The following FAM167A variants were observed in gnomAD, a reference collection of about 807,000 sequenced individuals.
The protein encoded by FAM167A is protein FAM167A.
Under a neutral mutation model 14.9 loss-of-function variants are expected in FAM167A, and 23 were observed. The ratio of observed to expected loss-of-function variants is 1.55; its 90% confidence interval spans 1.11 to 2.19. The LOEUF (loss-of-function observed/expected upper bound fraction) is 2.19, where lower values mean the gene tolerates loss of function less well. Among genes scored for constraint, FAM167A ranks in the 30% most tolerant of loss-of-function variants. FAM167A has a pLI of 0.00. For synonymous variants in FAM167A, 174 were observed against 117.7 expected (o/e 1.48, Z -3.10); for missense variants, 401 against 281.5 (o/e 1.42, Z -3.04).
intron 1 of FAM167A, among the ~76,000 whole-genome samples, chr8:11,461,138 C>T (rs1807521784): frequency 2.0e-5 from 3 of 152,178 alleles, no homozygotes; most frequent in South Asian, 4.1e-4. Flanking sequence ...CCCTGCAAGG[C>T]GGGGAGAAAG....
chr8:11,426,627 AG>A (rs1471288316), intron 2 of FAM167A, among the ~76,000 whole-genome samples: 6 of 152,156 alleles, frequency 3.9e-5, no homozygotes, highest in African/African-American at 1.2e-4. Flanking sequence ...GATGATTTTG[AG>A]GGCCTTAATA....
chr8:11,449,269 C>A (rs1044141590), intron 1 of FAM167A, among the ~76,000 whole-genome samples: 2 of 152,248 alleles, frequency 1.3e-5, no homozygotes, highest in Non-Finnish European at 2.9e-5. Flanking sequence ...TGGAATGTCA[C>A]CCACACAGGC....
chr8:11,452,479 G>C (rs1807065559), intron 1 of FAM167A, among the ~76,000 whole-genome samples: 1 of 152,174 alleles, frequency 6.6e-6, no homozygotes, highest in Non-Finnish European at 1.5e-5. Context: ...GTCCCCAGAG[G>C]GAGAGGGGGT....
rs78982517 is a variant in FAM167A at position 11,454,741 on chromosome 8, G to T, written c.-397-9933C>A. 9.0e-3 allele frequency among the ~76,000 whole-genome samples: 1,367 copies of T among 152,302 alleles called. 16 individuals are homozygous for T. The highest frequency in any genetic ancestry group is 0.03 in the African/African-American group (1,238 of 41,552). On this transcript the variant is annotated intron_variant, in intron 1 of 2. Transcript: ENST00000284486. ...GTCGGCCTAGGGAGGCGAGCCTGGGGTGTGCAGGCTTTTCTGCCCGGGTTT... is the reference window on the plus strand; with the variant it reads ...GTCGGCCTAGGGAGGCGAGCCTGGGTTGTGCAGGCTTTTCTGCCCGGGTTT...
chr8:11,454,769 T>G (rs1807162442), intron 1 of FAM167A, among the ~76,000 whole-genome samples: 1 of 152,162 alleles, frequency 6.6e-6, no homozygotes, highest in African/African-American at 2.4e-5. Flanking sequence ...CCGGGTTTAA[T>G]CAGAAACCCA....
At chr8:11,462,038 C>T (rs1318799703) in intron 1 of FAM167A, among the ~76,000 whole-genome samples, 1 of 152,216 alleles carries the variant, frequency 6.6e-6, no homozygotes, top group Non-Finnish European at 1.5e-5. Context: ...GCTGCAGGTG[C>T]AGCGCTGTGC....
chr8:11,473,772 A>G (rs1269484373), intron 1 of FAM167A, among the ~76,000 whole-genome samples: 1 of 152,194 alleles, frequency 6.6e-6, no homozygotes, highest in East Asian at 1.9e-4. Flanking sequence ...CACTGTGAGG[A>G]TTAGAATTAA....
upstream of FAM167A, among the ~76,000 whole-genome samples, chr8:11,468,495 C>A (rs1807856352): frequency 6.6e-6 from 1 of 152,248 alleles, no homozygotes; most frequent in Non-Finnish European, 1.5e-5. Context: ...TATGTGTCTC[C>A]CTCTGAGGCA....
chr8:11,448,525 G>T (rs553035536), intron 1 of FAM167A, among the ~76,000 whole-genome samples: 1 of 152,280 alleles, frequency 6.6e-6, no homozygotes, highest in South Asian at 2.1e-4. Context: ...ACACTCTGTT[G>T]GTCTCTGACC....
In FAM167A at chr8:11,424,609, G is replaced by A. The variant is rs765541335; in HGVS notation, c.409C>T (p.Leu137=). The A allele has an allele frequency of 6.2e-7, 1 of 1,614,012 alleles. No individual in the cohort carries two copies. The highest frequency in any genetic ancestry group is 8.5e-7 in the Non-Finnish European group (1 of 1,179,974). The change falls in exon 3 of 3, where the codon CTG becomes TTG. Residue 137 remains leucine, a synonymous_variant. Transcript: ENST00000284486. ...CGCAGGCGCATGAGCTGTCTGGCCA[G>A]TTGCTGGTCCTGCAGCCGCATCTCC... ...LTEMRLQDQQ[L]ARQLMRLRGD...
At chr8:11,441,674 A>G (rs77878414) in intron 2 of FAM167A, among the ~76,000 whole-genome samples, 2,747 of 152,206 alleles carry the variant, frequency 0.018, 73 homozygotes, top group African/African-American at 0.063. Context: ...CTCACTCATC[A>G]TGTCATCCTA....
Position 11,444,205 on chromosome 8 carries a change from C to A in FAM167A, c.207G>T (p.Ala69=). 6.2e-7 allele frequency: 1 copy of A among 1,612,956 alleles called. No homozygotes were observed. The highest frequency in any genetic ancestry group is 8.5e-7 in the Non-Finnish European group (1 of 1,179,878). The change falls in exon 2 of 3, where the codon GCG becomes GCT. Residue 69 remains alanine (A), a synonymous_variant. Coordinates refer to ENST00000284486, the MANE Select transcript of FAM167A (RefSeq NM_053279.3). The part of the protein sequence containing the change: ...PFPRPAAEPQ[A]SLEEGERGGQ... ...CCCCACGCTCCCCCTCCTCCAAGCT[C>A]GCCTGTGGCTCCGCAGCCGGCCTCG... is the stretch of plus-strand genomic sequence containing the variant.
intron 1 of FAM167A, among the ~76,000 whole-genome samples, chr8:11,459,045 A>T (rs908360002): frequency 2.6e-5 from 4 of 152,232 alleles, no homozygotes; most frequent in African/African-American, 9.6e-5. Flanking sequence ...TCTGATAATA[A>T]AATAAACGCA....
chr8:11,469,185 G>A (rs1187905486), upstream of FAM167A, among the ~76,000 whole-genome samples: 1 of 148,364 alleles, frequency 6.7e-6, no homozygotes, highest in Non-Finnish European at 1.5e-5. Flanking sequence ...TAATTCATAT[G>A]TATGCATGGA....
chr8:11,467,721 T>G (rs1807829192), upstream of FAM167A: 1 of 152,430 alleles, frequency 6.6e-6, no homozygotes, highest in Non-Finnish European at 1.5e-5. Flanking sequence ...TGTGGGGTCT[T>G]AGCCCCTGCA....
upstream of FAM167A, among the ~76,000 whole-genome samples, chr8:11,467,868 G>T (rs1807833674): frequency 6.6e-6 from 1 of 152,258 alleles, no homozygotes; most frequent in South Asian, 2.1e-4. Context: ...GAGACATCTT[G>T]CCAGTACAGA....
chr8:11,431,945 G>A (rs978515269), intron 2 of FAM167A, among the ~76,000 whole-genome samples: 25 of 144,540 alleles, frequency 1.7e-4, no homozygotes, highest in East Asian at 1.2e-3. Context: ...CCAAAGGCCC[G>A]AGAGGCTGGC....
rs186311074 is a variant in FAM167A at position 11,455,980 on chromosome 8, G to A, written c.-398+10646C>T. On this transcript the variant is annotated intron_variant, in intron 1 of 2. Transcript: ENST00000284486. The stretch of plus-strand genomic sequence containing the variant: ...GCCTTGCTGTGAGTGAGTGTGGGGG[G>A]TGGTTGCCTTCTGGGTATGAGTGGG... 2.8e-3 allele frequency among the ~76,000 whole-genome samples: 372 copies of A among 132,136 alleles called. 4 individuals are homozygous for A. Among genetic ancestry groups the A allele is most frequent in the African/African-American group, 9.7e-3 (337 of 34,722 alleles). 86.7% of individuals were successfully genotyped at this position (132,136 alleles called of 152,430 possible). A position where few individuals can be genotyped will look rare whatever the true frequency, so the allele number is the denominator to read the frequency against.
chr8:11,432,836 GGATTAAGAAAAT>G (rs767496846), intron 2 of FAM167A, among the ~76,000 whole-genome samples: 1 of 152,162 alleles, frequency 6.6e-6, no homozygotes, highest in Non-Finnish European at 1.5e-5. Flanking sequence ...ATGATAGACT[GGATTAAGAAAAT>G]GTGGCACAGA....
Sources: allele counts gnomAD v4.1 joint callset (sites outside exome capture counted in the v4.1 genomes callset), GRCh38; gene constraint gnomAD v4.1.1; transcripts MANE v1.5; gene names NCBI Gene and HGNC (gene_info 2026-07-23, HGNC 2026-07-21).